The following ME2 variants were observed in gnomAD, a reference collection of about 807,000 sequenced individuals.
ME2 encodes NAD-dependent malic enzyme, mitochondrial.
In ME2, 60 loss-of-function variants were observed where a neutral mutation model predicts 73.7. That is an observed-to-expected ratio of 0.81 (90% CI 0.66 to 1.01). ME2 has a LOEUF of 1.01. ME2 is among the 50% of genes least tolerant of loss of function. The probability of loss-of-function intolerance (pLI) is 0.00; values close to 1 mark genes in which losing one functional copy is unlikely to be tolerated. For missense variants in ME2, 594 were observed against 705.5 expected, an observed-to-expected ratio of 0.84 and a Z score of 1.79; for synonymous variants, 199 against 236.9, an observed-to-expected ratio of 0.84 and a Z score of 1.47.
intron 2 of ME2, among the ~76,000 whole-genome samples, chr18:50,905,283 C>T (rs1329878171): frequency 1.3e-5 from 2 of 152,202 alleles, no homozygotes; most frequent in Non-Finnish European, 2.9e-5. Flanking sequence ...CCGCACCTGG[C>T]AGTTCATATT....
At position 50,925,816 on chromosome 18, in the gene ME2, A is replaced by G. The variant is rs186821813; in HGVS notation, c.1232A>G (p.Asn411Ser). ...GTAATCAGAGCCATGGCCTCTATCA[A>G]TGAAAGGCCTGTAATATTTGCATTA... ...PDVIRAMASINERPVIFALSN... is the reference protein window; with the variant it reads ...PDVIRAMASISERPVIFALSN... The change falls in exon 12 of 16, where the codon AAT becomes AGT. Residue 411 changes from asparagine to serine, a missense_variant. By Grantham distance (46) the Asn-to-Ser change is conservative. Coordinates refer to ENST00000321341, the MANE Select transcript of ME2 (RefSeq NM_002396.5). 76 of 1,612,328 alleles carry G rather than the reference A, an allele frequency of 4.7e-5. No homozygotes were observed. Among genetic ancestry groups the G allele is most frequent in the Admixed American group, 4.0e-4 (24 of 60,006 alleles).
intron 15 of ME2, among the ~76,000 whole-genome samples, chr18:50,943,491 A>T (rs1357775952): frequency 6.6e-6 from 1 of 151,884 alleles, no homozygotes; most frequent in African/African-American, 2.4e-5. Context: ...TTTGGTACAG[A>T]TGGGGGTTTG....
chr18:50,927,757 C>CACCA lies in ME2; in HGVS notation c.1314+1859_1314+1860insACCA, dbSNP rs1195819202. ...ATATATATATATATATATATACACA[C>CACCA]CACAGTACTGTTATACCTCATAATT... On this transcript the variant is annotated intron_variant, in intron 12 of 15. Transcript: ENST00000321341. 8.1e-5 allele frequency among the ~76,000 whole-genome samples: 7 copies of CACCA among 86,068 alleles called. No individual in the cohort carries two copies. The East Asian group carries it at 2.1e-3, about 26-fold the overall frequency. 56.5% of individuals were successfully genotyped at this position (86,068 alleles called of 152,430 possible).
chr18:50,924,178 T>C lies in ME2; in HGVS notation c.1137T>C (p.Asp379=), dbSNP rs1599113118. 1.2e-6 allele frequency: 2 copies of C among 1,613,094 alleles called. No homozygotes were observed. Among genetic ancestry groups the C allele is most frequent in the African/African-American group, 2.7e-5 (2 of 75,022 alleles). Residue 379 remains aspartate (D), a synonymous_variant, in exon 11 of 16, where the codon GAT becomes GAC. Coordinates refer to ENST00000321341, the MANE Select transcript of ME2 (RefSeq NM_002396.5). ...APESIPDTFE[D]AVNILKPSTI... is the part of the protein sequence containing the mutation. ...AGAGCATACCTGATACTTTTGAAGA[T>C]GCAGTGAATATACTGAAGCCTTCAA...
In ME2 at chr18:50,915,983, A is replaced by G. The variant is rs886707624; in HGVS notation, c.393-185A>G. The G allele has an allele frequency of 3.5e-4, 179 of 515,366 alleles. 1 individual carries two copies. The highest frequency in any genetic ancestry group is 5.9e-5 in the Non-Finnish European group (17 of 289,758). The allele number at this position is 515,366 out of a possible 1,614,324, so 31.9% of individuals were successfully genotyped here. ...AATAATCTTTGTTGCATCTGCTATG[A>G]ACAGTAATTACAGTTTGAAGTACTT... On this transcript the variant is annotated intron_variant, in intron 4 of 15. Transcript: ENST00000321341.
rs866869639 is a variant in ME2, at chr18:50,908,102, C to T, written c.148C>T (p.Leu50Phe). ...TTTACAAGAACGACAAATGCTTGGT[C>T]TTCAAGGACTTCTACCTCCCAAAAT... ...FTLQERQMLG[L>F]QGLLPPKIET... Residue 50 changes from leucine to phenylalanine, a missense_variant, in exon 3 of 16, where the codon CTT becomes TTT. By Grantham distance (22) the Leu-to-Phe change is conservative. Transcript: ENST00000321341. 1 of 1,596,636 alleles carries T rather than the reference C, an allele frequency of 6.3e-7. No homozygotes were observed. Among genetic ancestry groups the T allele is most frequent in the Non-Finnish European group, 8.5e-7 (1 of 1,170,706 alleles).
At chr18:50,913,963 A>G (rs544231336) in intron 4 of ME2, among the ~76,000 whole-genome samples, 4 of 151,594 alleles carry the variant, frequency 2.6e-5, no homozygotes, top group Non-Finnish European at 5.9e-5. Flanking sequence ...TCCTTATAAT[A>G]TTTTCCCCAT....
At chr18:50,910,460 A>AAAAG (rs1262242812) in intron 3 of ME2, among the ~76,000 whole-genome samples, 64 of 150,406 alleles carry the variant, frequency 4.3e-4, no homozygotes, top group African/African-American at 1.5e-3. Context: ...AAAAAAAAGA[A>AAAAG]AAAGGCTAAA....
chr18:50,917,179 A>G, intron 5 of ME2, 168 bp from the exon 6 acceptor site: 1 of 540,958 alleles, frequency 1.8e-6, no homozygotes, highest in South Asian at 2.9e-5. Context: ...CAGAAGTCCT[A>G]GAATTTTAAG....
intron 13 of ME2, chr18:50,939,128 C>CAAAA (rs373819939): frequency 1.7e-5 from 1 of 57,800 alleles, no homozygotes; most frequent in African/African-American, 4.3e-5. Context: ...TAAGAGAAGG[C>CAAAA]AAAAAAAAAA....
intron 2 of ME2, among the ~76,000 whole-genome samples, chr18:50,896,281 T>C (rs2144198032): frequency 6.6e-6 from 1 of 152,338 alleles, no homozygotes; most frequent in East Asian, 1.9e-4. Flanking sequence ...CCTGAGCTAA[T>C]CAGTTAGGCC....
intron 13 of ME2, chr18:50,934,315 A>C (rs1917767674): frequency 6.6e-6 from 1 of 152,236 alleles, no homozygotes; most frequent in Non-Finnish European, 1.5e-5. Flanking sequence ...TAAAATCCTA[A>C]CTTAAATAAC....
chr18:50,900,274 A>T (rs966240290), intron 2 of ME2, among the ~76,000 whole-genome samples: 3 of 21,550 alleles, frequency 1.4e-4, no homozygotes, highest in Non-Finnish European at 1.7e-4. Context: ...GAATAATTTT[A>T]TTTATTTATT....
intron 10 of ME2, among the ~76,000 whole-genome samples, chr18:50,922,087 C>T (rs377605226): frequency 7.9e-5 from 12 of 152,296 alleles, no homozygotes; most frequent in African/African-American, 2.4e-4. Context: ...TCTAAATGTA[C>T]TTTGTTCCAG....
rs1325011751 is a variant in ME2, at chr18:50,879,284, C to T, written c.-37C>T. 3.3e-5 allele frequency: 5 copies of T among 152,086 alleles called. No individual in the cohort carries two copies. Among genetic ancestry groups the T allele is most frequent in the Non-Finnish European group, 7.3e-5 (5 of 68,058 alleles). 9.4% of individuals were successfully genotyped at this position (152,086 alleles called of 1,614,324 possible). A position where few individuals can be genotyped will look rare whatever the true frequency, so the allele number is the denominator to read the frequency against. On this transcript the variant is annotated 5_prime_UTR_variant, in exon 1 of 16. Coordinates refer to ENST00000321341, the MANE Select transcript of ME2 (RefSeq NM_002396.5). Reference sequence around the variant, plus strand: ...GGCGCGGCCTCTCCGCCGGGTGTACCACCTGTCGCGGCGCGAGACCTCTGG... The same window carrying T: ...GGCGCGGCCTCTCCGCCGGGTGTACTACCTGTCGCGGCGCGAGACCTCTGG...
In ME2 at chr18:50,899,451, C is replaced by T. The variant is rs148560179; in HGVS notation, c.108+3523C>T. Among the ~76,000 whole-genome samples, 642 of 152,124 alleles carry T rather than the reference C, an allele frequency of 4.2e-3. 5 individuals are homozygous for T. The highest frequency in any genetic ancestry group is 0.014 in the African/African-American group (599 of 41,488). Reference sequence around the variant, plus strand: ...CTCTACCAGCCTGAACTCGTCTCTACCAAAAATATAAAAAAATTAGCCAAG... The same window carrying T: ...CTCTACCAGCCTGAACTCGTCTCTATCAAAAATATAAAAAAATTAGCCAAG... On this transcript the variant is annotated intron_variant, in intron 2 of 15. Coordinates refer to ENST00000321341, the MANE Select transcript of ME2 (RefSeq NM_002396.5).
intron 15 of ME2, among the ~76,000 whole-genome samples, chr18:50,946,069 A>G (rs1283830407): frequency 6.6e-6 from 1 of 151,934 alleles, no homozygotes; most frequent in Non-Finnish European, 1.5e-5. Flanking sequence ...TTCATCTCAA[A>G]TAAATAAATA....
chr18:50,888,567 AT>A (rs201234055), intron 1 of ME2, among the ~76,000 whole-genome samples: 101 of 151,080 alleles, frequency 6.7e-4, no homozygotes, highest in African/African-American at 2.4e-3. Context: ...TCTGGGCTTT[AT>A]TTTTTTTTCA....
intron 2 of ME2, among the ~76,000 whole-genome samples, chr18:50,902,493 G>T (rs1235253952): frequency 1.3e-5 from 2 of 152,186 alleles, no homozygotes; most frequent in Non-Finnish European, 2.9e-5. Context: ...CCGCTCCCAG[G>T]TTCAAGCGAT....
Sources: gnomAD v4.1 joint callset for allele counts (sites outside exome capture counted in the v4.1 genomes callset) on GRCh38, gnomAD v4.1.1 for gene constraint, MANE v1.5 for transcripts, NCBI Gene and HGNC (gene_info 2026-07-23, HGNC 2026-07-21) for gene names.